Variants in COMMD10 observed in about 807,000 individuals in gnomAD.
COMMD10 encodes the protein COMM domain containing 10.
A neutral mutation model predicts 28.9 loss-of-function variants in COMMD10; 33 were observed. That is an observed-to-expected ratio of 1.14 (90% CI 0.87 to 1.53). The LOEUF is 1.53. Ranked by LOEUF, COMMD10 falls within the 40% of genes most tolerant of loss-of-function variation. The pLI, the probability that COMMD10 is intolerant of heterozygous loss-of-function variation, is 0.00. For missense variants in COMMD10, 310 were observed against 233.4 expected, an observed-to-expected ratio of 1.33 and a Z score of -2.14; for synonymous variants, 110 against 81.7, an observed-to-expected ratio of 1.35 and a Z score of -1.87.
chr5:116,104,040 G>C (rs1396647654), intron 4 of COMMD10, among the ~76,000 whole-genome samples: 1 of 152,154 alleles, frequency 6.6e-6, no homozygotes, highest in African/African-American at 2.4e-5. Context: ...ACACTGTTTT[G>C]GTTACTGTAG....
At chr5:116,092,489 T>G in intron 3 of COMMD10, 56 bp from the exon 4 acceptor site, 2 of 1,284,440 alleles carry the variant, frequency 1.6e-6, no homozygotes, top group East Asian at 2.4e-5. Flanking sequence ...TAGTATAGTT[T>G]AAAGTTTCAG....
At chr5:116,229,759 T>C (rs1173104247) in intron 5 of COMMD10, among the ~76,000 whole-genome samples, 5 of 152,050 alleles carry the variant, frequency 3.3e-5, no homozygotes, top group Non-Finnish European at 7.4e-5. Context: ...TGAAAAGATA[T>C]ATCTTTATAA....
At chr5:116,096,743 A>G (rs943334233) in intron 4 of COMMD10, among the ~76,000 whole-genome samples, 3 of 151,932 alleles carry the variant, frequency 2.0e-5, no homozygotes, top group African/African-American at 4.8e-5. Context: ...TCACTTCTCT[A>G]CTTCCCTTTT....
chr5:116,134,382 A>AT (rs1751963638), intron 5 of COMMD10, among the ~76,000 whole-genome samples: 1 of 151,656 alleles, frequency 6.6e-6, no homozygotes, highest in Non-Finnish European at 1.5e-5. Flanking sequence ...CTTCTTTTAA[A>AT]TTCTGCAGTG....
chr5:116,152,482 A>T (rs900795708), intron 5 of COMMD10, among the ~76,000 whole-genome samples: 2 of 152,100 alleles, frequency 1.3e-5, no homozygotes, highest in Non-Finnish European at 2.9e-5. Context: ...CTCAATTTTA[A>T]TACTTTGTAT....
chr5:116,098,328 G>A (rs1580442229), intron 4 of COMMD10, among the ~76,000 whole-genome samples: 1 of 152,148 alleles, frequency 6.6e-6, no homozygotes, highest in African/African-American at 2.4e-5. Context: ...GACTTTAACT[G>A]TTTTATGGTA....
At chr5:116,288,626 A>G (rs74410474) in intron 5 of COMMD10, among the ~76,000 whole-genome samples, 8,141 of 151,386 alleles carry the variant, frequency 0.054, 395 homozygotes, top group African/African-American at 0.11. Context: ...ATCTCTTCAC[A>G]TTTCTTCTTT....
chr5:116,179,401 G>C (rs1176563687), intron 5 of COMMD10, among the ~76,000 whole-genome samples: 1 of 152,138 alleles, frequency 6.6e-6, no homozygotes, highest in Non-Finnish European at 1.5e-5. Flanking sequence ...ACCAGACTAA[G>C]AACGCAGGTT....
intron 5 of COMMD10, among the ~76,000 whole-genome samples, chr5:116,178,969 G>C (rs1013658408): frequency 2.6e-5 from 4 of 152,054 alleles, no homozygotes; most frequent in African/African-American, 9.7e-5. Context: ...AGGGATTTCA[G>C]ACGCTCTGTG....
chr5:116,090,225 C>T (rs1356214653), intron 2 of COMMD10, among the ~76,000 whole-genome samples: 2 of 152,140 alleles, frequency 1.3e-5, no homozygotes, highest in East Asian at 1.9e-4. Flanking sequence ...CTTCTTGGCT[C>T]ATCCTGGCAT....
At chr5:116,261,557 T>A (rs959493806) in intron 5 of COMMD10, among the ~76,000 whole-genome samples, 1 of 151,800 alleles carries the variant, frequency 6.6e-6, no homozygotes. Flanking sequence ...CTAGAAATTT[T>A]TATTTCAGTG....
chr5:116,124,202 A>G (rs147326993), intron 4 of COMMD10, among the ~76,000 whole-genome samples: 174 of 152,236 alleles, frequency 1.1e-3, no homozygotes, highest in Middle Eastern at 3.4e-3. Context: ...TCTTGTGGGC[A>G]TTTAGTGCTA....
At chr5:116,286,013 T>C (rs542818597) in intron 5 of COMMD10, among the ~76,000 whole-genome samples, 1 of 151,924 alleles carries the variant, frequency 6.6e-6, no homozygotes, top group Admixed American at 6.6e-5. Context: ...TGTTGAGGAG[T>C]TTTTAACTAC....
chr5:116,213,328 A>C (rs1284184131), intron 5 of COMMD10, among the ~76,000 whole-genome samples: 2 of 152,132 alleles, frequency 1.3e-5, no homozygotes, highest in Non-Finnish European at 2.9e-5. Flanking sequence ...TTGTTACTTC[A>C]CATCAGTCTT....
chr5:116,109,248 G>T (rs1229600693), intron 4 of COMMD10, among the ~76,000 whole-genome samples: 1 of 152,132 alleles, frequency 6.6e-6, no homozygotes, highest in East Asian at 1.9e-4. Context: ...GTATTTTGTA[G>T]TTCTCCTTGT....
intron 5 of COMMD10, among the ~76,000 whole-genome samples, chr5:116,278,534 T>A (rs1750979384): frequency 6.6e-6 from 1 of 151,870 alleles, no homozygotes; most frequent in South Asian, 2.1e-4. Context: ...AGTGGTATTT[T>A]AGCCAAACTC....
intron 5 of COMMD10, among the ~76,000 whole-genome samples, chr5:116,271,619 T>A (rs1379875678): frequency 6.6e-6 from 1 of 151,696 alleles, no homozygotes; most frequent in Non-Finnish European, 1.5e-5. Context: ...AAGGCATTAG[T>A]CATCTGTGCT....
intron 5 of COMMD10, among the ~76,000 whole-genome samples, chr5:116,248,991 A>G (rs1466270509): frequency 6.6e-6 from 1 of 151,980 alleles, no homozygotes; most frequent in African/African-American, 2.4e-5. Flanking sequence ...TACTGTGCCC[A>G]TTATTATACT....
intron 5 of COMMD10, among the ~76,000 whole-genome samples, chr5:116,247,169 C>T (rs965395309): frequency 9.9e-5 from 15 of 151,490 alleles, no homozygotes; most frequent in African/African-American, 3.6e-4. Context: ...AGGATATAAA[C>T]AGATACTTTT....
Sources: allele counts gnomAD v4.1 joint callset (sites outside exome capture counted in the v4.1 genomes callset), GRCh38; gene constraint gnomAD v4.1.1; transcripts MANE v1.5; gene names NCBI Gene and HGNC (gene_info 2026-07-23, HGNC 2026-07-21).